Variants in MAGI2 observed in about 807,000 individuals in gnomAD.
The protein encoded by MAGI2 is membrane-associated guanylate kinase, WW and PDZ domain-containing protein 2.
A neutral mutation model predicts 133.3 loss-of-function variants in MAGI2; 35 were observed. That is an observed-to-expected ratio of 0.26 (90% confidence interval 0.20 to 0.35). The LOEUF (loss-of-function observed/expected upper bound fraction) is 0.35. MAGI2 is among the 10% of genes least tolerant of loss of function. MAGI2 has a pLI of 1.00. For missense variants in MAGI2, 1,636 were observed against 1,863.4 expected (o/e 0.88, Z 2.25); for synonymous variants, 729 against 710.6 (o/e 1.03, Z -0.41).
intron 3 of MAGI2, among the ~76,000 whole-genome samples, chr7:78,544,640 T>C (rs958377326): frequency 6.6e-6 from 1 of 152,128 alleles, no homozygotes; most frequent in Non-Finnish European, 1.5e-5. Context: ...TCGAAACATG[T>C]TGGAATTGCA....
At chr7:78,810,321 A>G (rs1024051700) in intron 2 of MAGI2, among the ~76,000 whole-genome samples, 2 of 152,148 alleles carry the variant, frequency 1.3e-5, no homozygotes, top group Non-Finnish European at 2.9e-5. Flanking sequence ...TGGAGAAGAA[A>G]CACCACCAAA....
intron 1 of MAGI2, among the ~76,000 whole-genome samples, chr7:79,188,992 G>A (rs1313190464): frequency 1.3e-5 from 2 of 151,698 alleles, no homozygotes; most frequent in Non-Finnish European, 2.9e-5. Context: ...AATATTTTAT[G>A]TGTATGCACA....
intron 1 of MAGI2, among the ~76,000 whole-genome samples, chr7:79,382,606 T>G (rs1337832243): frequency 1.3e-5 from 2 of 151,642 alleles, no homozygotes; most frequent in African/African-American, 4.8e-5. Context: ...GCAATAGTGC[T>G]CCACAAATGT....
rs551983793 is a variant in MAGI2 at position 79,287,358 on chromosome 7, C to A, written c.301+165662G>T. Among the ~76,000 whole-genome samples the A allele has an allele frequency of 2.6e-5, 4 of 152,202 alleles. No homozygotes were observed. The South Asian group carries it at 8.3e-4, about 32-fold the overall frequency. Reference sequence around the variant, plus strand: ...TATTATATTCATATTCACTAAGATTCTCTAAGAGGGGCATATTGAAAACAG... The same window carrying A: ...TATTATATTCATATTCACTAAGATTATCTAAGAGGGGCATATTGAAAACAG... On this transcript the variant is annotated intron_variant, in intron 1 of 21. Coordinates refer to ENST00000354212, the MANE Select transcript of MAGI2 (RefSeq NM_012301.4).
intron 14 of MAGI2, among the ~76,000 whole-genome samples, chr7:78,175,074 A>G (rs1176715069): frequency 2.0e-5 from 3 of 152,208 alleles, no homozygotes; most frequent in African/African-American, 4.8e-5. Flanking sequence ...CAATCAAACC[A>G]TAATCATAAG....
At chr7:78,809,288 T>C (rs972901387) in intron 2 of MAGI2, among the ~76,000 whole-genome samples, 8 of 152,212 alleles carry the variant, frequency 5.3e-5, no homozygotes, top group African/African-American at 1.9e-4. Context: ...GGTTTCAAGA[T>C]TACAGTTGAT....
chr7:78,594,654 C>T (rs1804406867), intron 3 of MAGI2, among the ~76,000 whole-genome samples: 1 of 152,102 alleles, frequency 6.6e-6, no homozygotes, highest in Admixed American at 6.5e-5. Flanking sequence ...GACGGGGTTT[C>T]ACCATGTTGG....
intron 2 of MAGI2, among the ~76,000 whole-genome samples, chr7:78,784,537 C>A (rs1826649470): frequency 6.6e-6 from 1 of 152,186 alleles, no homozygotes; most frequent in Non-Finnish European, 1.5e-5. Context: ...TCTGACTTAA[C>A]CTCTTCCGAT....
intron 10 of MAGI2, chr7:78,252,490 G>T (rs1792507148): frequency 6.6e-6 from 1 of 150,872 alleles, no homozygotes; most frequent in African/African-American, 2.4e-5. Flanking sequence ...ATGAAGTTAG[G>T]CCCTTAATTC....
At chr7:79,286,510 A>G (rs1585431623) in intron 1 of MAGI2, among the ~76,000 whole-genome samples, 1 of 151,744 alleles carries the variant, frequency 6.6e-6, no homozygotes, top group Non-Finnish European at 1.5e-5. Flanking sequence ...AATATGGGGG[A>G]AAAAATCAAT....
At chr7:79,388,350 T>C (rs1303581083) in intron 1 of MAGI2, among the ~76,000 whole-genome samples, 1 of 151,986 alleles carries the variant, frequency 6.6e-6, no homozygotes, top group Non-Finnish European at 1.5e-5. Flanking sequence ...TACAAGTACC[T>C]ATCAATACAG....
intron 1 of MAGI2, among the ~76,000 whole-genome samples, chr7:79,324,884 GAAAC>G (rs2129562096): frequency 6.6e-6 from 1 of 150,652 alleles, no homozygotes; most frequent in African/African-American, 2.4e-5. Context: ...AGTATACAAA[GAAAC>G]AAACAAAAGA....
intron 2 of MAGI2, among the ~76,000 whole-genome samples, chr7:78,796,489 A>G (rs1212610): frequency 0.29 from 44,218 of 152,002 alleles, 7,906 homozygotes; most frequent in South Asian, 0.4. Flanking sequence ...AAAATAGCCA[A>G]TGTTGGTGAG....
intron 1 of MAGI2, among the ~76,000 whole-genome samples, chr7:79,335,268 TTG>T (rs1840360437): frequency 6.6e-6 from 1 of 152,106 alleles, no homozygotes; most frequent in South Asian, 2.1e-4. Context: ...AGCGTTTAGG[TTG>T]TGTCTTCAAG....
At position 78,132,922 on chromosome 7, in the gene MAGI2, G is replaced by A. The variant is rs1821719662; in HGVS notation, c.3170C>T (p.Pro1057Leu). ...GTGTCCTTGCAGCTGAAGTGGTTGA[G>A]GTGGTGCTGGCTGGGCGATGGGGCT... is the stretch of plus-strand genomic sequence containing the variant. ...PNSPIAQPAP[P>L]QPLQLQGHEN... is the part of the protein sequence containing the mutation. Residue 1057 changes from proline to leucine, a missense_variant, in exon 18 of 22, where the codon CCT (proline) becomes CTT (leucine). Transcript: ENST00000354212. The A allele has an allele frequency of 6.2e-7, 1 of 1,613,954 alleles. No homozygotes were observed. The highest frequency in any genetic ancestry group is 8.5e-7 in the Non-Finnish European group (1 of 1,179,990).
At chr7:79,188,234 A>C (rs1827336783) in intron 1 of MAGI2, among the ~76,000 whole-genome samples, 1 of 151,792 alleles carries the variant, frequency 6.6e-6, no homozygotes, top group Admixed American at 6.6e-5. Context: ...TATTAAGCCC[A>C]GCATGCATTA....
At chr7:78,693,765 C>G (rs10269389) in intron 2 of MAGI2, among the ~76,000 whole-genome samples, 65,270 of 151,854 alleles carry the variant, frequency 0.43, 14,929 homozygotes, top group Non-Finnish European at 0.52. Context: ...CTTTTTTCCA[C>G]CTTATGTTAG....
intron 2 of MAGI2, among the ~76,000 whole-genome samples, chr7:78,963,052 G>C (rs780980976): frequency 6.6e-6 from 1 of 152,038 alleles, no homozygotes; most frequent in Non-Finnish European, 1.5e-5. Context: ...AAACTTGGAA[G>C]TTTTCTTACT....
intron 2 of MAGI2, among the ~76,000 whole-genome samples, chr7:78,641,538 G>C (rs867550308): frequency 1.3e-5 from 2 of 152,160 alleles, no homozygotes; most frequent in East Asian, 3.9e-4. Flanking sequence ...GGTTTTCGAT[G>C]CTTTGTGTCT....
Sources: gnomAD v4.1 joint callset for allele counts (sites outside exome capture counted in the v4.1 genomes callset) on GRCh38, gnomAD v4.1.1 for gene constraint, MANE v1.5 for transcripts, NCBI Gene and HGNC (gene_info 2026-07-23, HGNC 2026-07-21) for gene names.